PCDH7: variants seen among roughly 807,000 people sequenced by gnomAD.
The protein encoded by PCDH7 is protocadherin 7, also known as protocadherin-7.
Under a neutral mutation model 58.9 loss-of-function variants are expected in PCDH7, and 17 were observed. The ratio of observed to expected loss-of-function variants is 0.29; its 90% CI spans 0.20 to 0.43. The LOEUF (loss-of-function observed/expected upper bound fraction) is 0.43, where lower values mean the gene tolerates loss of function less well. PCDH7 is among the 20% of genes least tolerant of loss of function. The pLI is 1.00. For missense variants in PCDH7, 1,274 were observed against 1,441.0 expected (o/e 0.88, Z 1.88); for synonymous variants, 664 against 616.4 (o/e 1.08, Z -1.14).
chr4:31,088,369 G>T (rs887005962), intron 3 of PCDH7, among the ~76,000 whole-genome samples: 1 of 151,994 alleles, frequency 6.6e-6, no homozygotes, highest in Non-Finnish European at 1.5e-5. Flanking sequence ...TACAAGCTAC[G>T]TGAAGAGCAG....
chr4:30,810,603 G>A (rs568258216), intron 1 of PCDH7, among the ~76,000 whole-genome samples: 7 of 148,836 alleles, frequency 4.7e-5, no homozygotes, highest in African/African-American at 1.5e-4. Flanking sequence ...TTTAAAAAAC[G>A]TCTTCTCATT....
intron 1 of PCDH7, among the ~76,000 whole-genome samples, chr4:30,880,089 T>C (rs1427851806): frequency 1.3e-5 from 2 of 152,094 alleles, no homozygotes; most frequent in Non-Finnish European, 2.9e-5. Flanking sequence ...GAATGTCCTC[T>C]AGGTATTTCA....
chr4:30,727,028 A>G (rs1282549069), intron 1 of PCDH7, among the ~76,000 whole-genome samples: 1 of 151,958 alleles, frequency 6.6e-6, no homozygotes, highest in Non-Finnish European at 1.5e-5. Context: ...ACCTGATGTT[A>G]TAAAAGAAAA....
intron 1 of PCDH7, among the ~76,000 whole-genome samples, chr4:30,782,217 T>G (rs1722897021): frequency 6.6e-6 from 1 of 152,196 alleles, no homozygotes; most frequent in Non-Finnish European, 1.5e-5. Context: ...TTTGCTTATT[T>G]TTTCTTAAAC....
At chr4:31,081,113 A>G (rs1361690235) in intron 3 of PCDH7, among the ~76,000 whole-genome samples, 1 of 152,254 alleles carries the variant, frequency 6.6e-6, no homozygotes, top group Non-Finnish European at 1.5e-5. Context: ...AGACTAATAC[A>G]TAATGTATGA....
At position 30,943,860 on chromosome 4, in the gene PCDH7, G is replaced by C. The variant is rs559485404; in HGVS notation, c.288-6260G>C. 4.0e-5 allele frequency among the ~76,000 whole-genome samples: 6 copies of C among 151,790 alleles called. No homozygotes were observed. In the South Asian group the frequency reaches 1.3e-3, roughly 32 times the overall value. ...CTGCTTTAAACTTTACTGCAAGTTT[G>C]GTCTCTTTTGTGGAACTGTTGCTCA... On this transcript the variant is annotated intron_variant, in intron 2 of 3. Coordinates refer to the PCDH7 transcript ENST00000509759.
At chr4:30,730,659 C>A in intron 1 of PCDH7, 1 of 875,508 alleles carries the variant, frequency 1.1e-6, no homozygotes, top group Non-Finnish European at 1.8e-6. Context: ...TCCGAAATCT[C>A]TACTAAAGCT....
chr4:31,103,801 T>A (rs1715205777), intron 3 of PCDH7, among the ~76,000 whole-genome samples: 1 of 152,232 alleles, frequency 6.6e-6, no homozygotes, highest in Non-Finnish European at 1.5e-5. Flanking sequence ...TTAGAAACAT[T>A]AATTGTTTAC....
chr4:30,787,368 C>G (rs191442216), intron 1 of PCDH7, among the ~76,000 whole-genome samples: 1 of 151,876 alleles, frequency 6.6e-6, no homozygotes, highest in Non-Finnish European at 1.5e-5. Flanking sequence ...TATTTAATAA[C>G]GCATTAAGAA....
chr4:30,841,081 G>A lies in PCDH7; in HGVS notation c.71-79072G>A, dbSNP rs367810653. 1.6e-4 allele frequency among the ~76,000 whole-genome samples: 25 copies of A among 152,044 alleles called. No homozygotes were observed. The South Asian group carries it at 3.9e-3, about 24-fold the overall frequency. On this transcript the variant is annotated intron_variant, in intron 1 of 3. Transcript: ENST00000509759. ...CAACTGATCTTGATATATATATCTC[G>A]AAGCACTGCACCTGCCTAAAAATAC...
chr4:31,044,451 T>C (rs892467172), intron 3 of PCDH7, among the ~76,000 whole-genome samples: 1 of 152,096 alleles, frequency 6.6e-6, no homozygotes, highest in Non-Finnish European at 1.5e-5. Context: ...TTTTTTTAAG[T>C]GTAATTATCA....
intron 1 of PCDH7, among the ~76,000 whole-genome samples, chr4:30,844,153 C>T (rs1731601447): frequency 1.3e-5 from 2 of 152,218 alleles, no homozygotes; most frequent in South Asian, 2.1e-4. Flanking sequence ...GCTTCACAAG[C>T]ACTATGTTCT....
chr4:30,847,884 T>C (rs1020624194), intron 1 of PCDH7, among the ~76,000 whole-genome samples: 1 of 152,146 alleles, frequency 6.6e-6, no homozygotes, highest in African/African-American at 2.4e-5. Context: ...AACCTAGTAA[T>C]ATATCAGTGT....
intron 2 of PCDH7, chr4:30,935,361 C>T (rs758350653): frequency 3.3e-4 from 326 of 979,636 alleles, no homozygotes; most frequent in Non-Finnish European, 3.7e-4. Flanking sequence ...AGTTTCTTGG[C>T]ACCTTTTGAA....
At chr4:30,878,240 G>A (rs559282212) in intron 1 of PCDH7, among the ~76,000 whole-genome samples, 22 of 152,218 alleles carry the variant, frequency 1.4e-4, no homozygotes, top group African/African-American at 4.6e-4. Context: ...GAGTTGTGAG[G>A]TCTGGATTTC....
intron 3 of PCDH7, among the ~76,000 whole-genome samples, chr4:31,137,026 T>A (rs752485185): frequency 6.6e-6 from 1 of 152,260 alleles, no homozygotes; most frequent in African/African-American, 2.4e-5. Context: ...TTTAGACTAA[T>A]GACAGTGAAG....
chr4:31,126,331 T>C (rs1303844085), intron 3 of PCDH7, among the ~76,000 whole-genome samples: 1 of 151,996 alleles, frequency 6.6e-6, no homozygotes, highest in Non-Finnish European at 1.5e-5. Context: ...ATTTTTTTAT[T>C]TTCTTTTTAG....
At chr4:31,133,619 C>T (rs1365124893) in intron 3 of PCDH7, among the ~76,000 whole-genome samples, 1 of 152,186 alleles carries the variant, frequency 6.6e-6, no homozygotes. Context: ...GCTGCTGTCT[C>T]TAACTCCGCA....
chr4:30,739,039 C>T (rs532595007), intron 1 of PCDH7, among the ~76,000 whole-genome samples: 23 of 149,090 alleles, frequency 1.5e-4, no homozygotes, highest in South Asian at 9.0e-4. Flanking sequence ...GCTTTTGTTC[C>T]CTTTGTGCTT....
Sources: gnomAD v4.1 joint callset for allele counts (sites outside exome capture counted in the v4.1 genomes callset) on GRCh38, gnomAD v4.1.1 for gene constraint, MANE v1.5 for transcripts, NCBI Gene and HGNC (gene_info 2026-07-23, HGNC 2026-07-21) for gene names.